The following PCDH15 variants were observed in gnomAD, a reference collection of about 807,000 sequenced individuals.
The protein encoded by PCDH15 is protocadherin-15.
PCDH15 carries 129 observed loss-of-function variants against 178.5 expected under a neutral mutation model. The ratio of observed to expected loss-of-function variants is 0.72; its 90% CI spans 0.63 to 0.84. The LOEUF (loss-of-function observed/expected upper bound fraction) is 0.84, where lower values mean the gene tolerates loss of function less well. Ranked by LOEUF, PCDH15 falls within the 40% of genes least tolerant of loss-of-function variation. PCDH15 has a pLI of 0.00. For synonymous variants in PCDH15, 800 were observed against 732.0 expected, an observed-to-expected ratio of 1.09 and a Z score of -1.50; for missense variants, 2,230 against 2,099.9, an observed-to-expected ratio of 1.06 and a Z score of -1.21.
At chr10:53,851,280 T>C (rs1009590075) in intron 28 of PCDH15, among the ~76,000 whole-genome samples, 1 of 152,114 alleles carries the variant, frequency 6.6e-6, no homozygotes, top group Non-Finnish European at 1.5e-5. Context: ...ATTACAGTTA[T>C]CACTACATAA....
intron 2 of PCDH15, among the ~76,000 whole-genome samples, chr10:55,110,532 A>G (rs1837475058): frequency 6.6e-6 from 1 of 152,094 alleles, no homozygotes; most frequent in African/African-American, 2.4e-5. Flanking sequence ...TCAGATTTAC[A>G]TGGATTCAAA....
At chr10:55,277,308 A>AT (rs1431010183) in intron 1 of PCDH15, among the ~76,000 whole-genome samples, 1 of 152,056 alleles carries the variant, frequency 6.6e-6, no homozygotes, top group Non-Finnish European at 1.5e-5. Flanking sequence ...TGATTAGTAT[A>AT]TTAACTGTAT....
At position 55,514,987 on chromosome 10, in the gene PCDH15, AT is replaced by A. The variant is rs35469059; in HGVS notation, c.-156+112637del. 7.6e-3 allele frequency among the ~76,000 whole-genome samples: 915 copies of A among 120,218 alleles called. 9 individuals carry two copies. Among genetic ancestry groups the A allele is most frequent in the African/African-American group, 0.018 (560 of 31,772 alleles). 78.9% of individuals were successfully genotyped at this position (120,218 alleles called of 152,430 possible). ...TATATATAGATAGATAGATAGATAG[AT>A]TTTTTTTTTTTTTTTTTTTGAGATG... On this transcript the variant is annotated intron_variant, in intron 2 of 5. Coordinates refer to the PCDH15 transcript ENST00000613346.
chr10:54,870,498 T>C (rs966887897), intron 3 of PCDH15, among the ~76,000 whole-genome samples: 5 of 151,974 alleles, frequency 3.3e-5, no homozygotes, highest in Non-Finnish European at 7.4e-5. Flanking sequence ...AAATTCCACA[T>C]AAAAAGACCG....
At chr10:55,526,319 T>C (rs920179652) in intron 2 of PCDH15, among the ~76,000 whole-genome samples, 2 of 152,048 alleles carry the variant, frequency 1.3e-5, no homozygotes, top group South Asian at 2.1e-4. Context: ...ATCCAATACG[T>C]AGAAAACAGG....
At chr10:54,777,216 C>T (rs183886396) in intron 1 of PCDH15, among the ~76,000 whole-genome samples, 11 of 152,240 alleles carry the variant, frequency 7.2e-5, no homozygotes, top group Admixed American at 7.2e-4. Flanking sequence ...AATCGTTGCG[C>T]ACATCTATAC....
rs893021682 is a variant in PCDH15 at position 55,440,588 on chromosome 10, C to A, written c.-156+187037G>T. Among the ~76,000 whole-genome samples, 25 of 152,090 alleles carry A rather than the reference C, an allele frequency of 1.6e-4. 1 individual carries two copies. Among genetic ancestry groups the A allele is most frequent in the Admixed American group, 1.3e-3 (20 of 15,264 alleles). ...ATTCAGAAAAGAAGTCAGAAATGTA[C>A]ACACACACCCAAACTAATAAGGGGA... On this transcript the variant is annotated intron_variant, in intron 2 of 5. Transcript: ENST00000613346.
intron 9 of PCDH15, among the ~76,000 whole-genome samples, chr10:54,233,642 T>A (rs1438346013): frequency 6.6e-6 from 1 of 152,224 alleles, no homozygotes; most frequent in Non-Finnish European, 1.5e-5. Context: ...CTTTTAGGTC[T>A]AGCTGCTTTA....
At chr10:55,197,406 A>G (rs1840122939) in intron 1 of PCDH15, among the ~76,000 whole-genome samples, 1 of 152,096 alleles carries the variant, frequency 6.6e-6, no homozygotes, top group Non-Finnish European at 1.5e-5. Context: ...ATTGATTGCT[A>G]TGCAATTCTG....
chr10:54,833,357 C>T (rs1169507009), intron 3 of PCDH15, among the ~76,000 whole-genome samples: 2 of 152,178 alleles, frequency 1.3e-5, no homozygotes, highest in Non-Finnish European at 2.9e-5. Flanking sequence ...ATGTGAATGA[C>T]ATTTATAATT....
intron 2 of PCDH15, among the ~76,000 whole-genome samples, chr10:55,331,635 C>G (rs1205370202): frequency 6.6e-6 from 1 of 152,028 alleles, no homozygotes; most frequent in African/African-American, 2.4e-5. Context: ...CCATGAAGCT[C>G]TCATTGTAGA....
intron 2 of PCDH15, among the ~76,000 whole-genome samples, chr10:55,511,978 G>C (rs1840894856): frequency 6.6e-6 from 1 of 152,010 alleles, no homozygotes; most frequent in African/African-American, 2.4e-5. Context: ...ACACTAACTT[G>C]TGGTTAGTGT....
At chr10:55,380,425 A>G (rs942667108) in intron 2 of PCDH15, among the ~76,000 whole-genome samples, 1 of 152,190 alleles carries the variant, frequency 6.6e-6, no homozygotes, top group Non-Finnish European at 1.5e-5. Flanking sequence ...TTTTGAGTAA[A>G]GAAATAATAG....
At chr10:55,117,284 G>T (rs957209080) in intron 2 of PCDH15, among the ~76,000 whole-genome samples, 1 of 152,176 alleles carries the variant, frequency 6.6e-6, no homozygotes, top group African/African-American at 2.4e-5. Flanking sequence ...TGGTGAATCT[G>T]CAGAGTAACC....
At chr10:54,030,856 T>C (rs1379719022) in intron 18 of PCDH15, among the ~76,000 whole-genome samples, 1 of 151,840 alleles carries the variant, frequency 6.6e-6, no homozygotes, top group Non-Finnish European at 1.5e-5. Flanking sequence ...GTGTCAGTGG[T>C]TTGTTACCAC....
chr10:53,946,346 T>C (rs2086572620), intron 23 of PCDH15, among the ~76,000 whole-genome samples: 1 of 152,182 alleles, frequency 6.6e-6, no homozygotes, highest in Non-Finnish European at 1.5e-5. Flanking sequence ...TTAGTGAACT[T>C]CCTTCACACT....
At chr10:54,756,579 G>T (rs1947156155) in intron 1 of PCDH15, among the ~76,000 whole-genome samples, 1 of 152,168 alleles carries the variant, frequency 6.6e-6, no homozygotes, top group South Asian at 2.1e-4. Context: ...CATTTAGTAG[G>T]CTTGGTGAAA....
intron 34 of PCDH15, among the ~76,000 whole-genome samples, chr10:53,817,349 A>G (rs2076096346): frequency 6.6e-6 from 1 of 152,120 alleles, no homozygotes; most frequent in African/African-American, 2.4e-5. Flanking sequence ...TGCAGACAGA[A>G]TCAAATGAAC....
chr10:54,222,805 C>A (rs1349974850), intron 9 of PCDH15, among the ~76,000 whole-genome samples: 2 of 152,084 alleles, frequency 1.3e-5, no homozygotes, highest in Non-Finnish European at 2.9e-5. Context: ...AAACTTTCTG[C>A]CATTTTATAA....
Sources: allele counts gnomAD v4.1 joint callset (sites outside exome capture counted in the v4.1 genomes callset), GRCh38; gene constraint gnomAD v4.1.1; transcripts MANE v1.5; gene names NCBI Gene and HGNC (gene_info 2026-07-23, HGNC 2026-07-21).